EED: variants seen among roughly 807,000 people sequenced by gnomAD.
EED encodes polycomb protein EED.
EED carries 9 observed loss-of-function variants against 61.0 expected under a neutral mutation model. The observed-to-expected ratio is 0.15, with a 90% CI of 0.09 to 0.26. The LOEUF (loss-of-function observed/expected upper bound fraction) is 0.26, where lower values mean the gene tolerates loss of function less well. Ranked by LOEUF, EED falls within the 10% of genes least tolerant of loss-of-function variation. The pLI is 1.00. For synonymous variants in EED, 187 were observed against 174.4 expected (o/e 1.07, Z -0.57); for missense variants, 315 against 542.3 (o/e 0.58, Z 4.16).
rs71040225 is a variant in EED, at chr11:86,268,594, C to CGTGT, written c.966+62_966+65dup. 0.092 allele frequency: 74,922 copies of CGTGT among 814,760 alleles called. 2,511 individuals carry two copies. The highest frequency in any genetic ancestry group is 0.25 in the African/African-American group (13,231 of 53,588). The allele number at this position is 814,760 out of a possible 1,614,324, so 50.5% of individuals were successfully genotyped here. A position where few individuals can be genotyped will look rare whatever the true frequency, so the allele number is the denominator to read the frequency against. On this transcript the variant is annotated intron_variant, in intron 9 of 11. Transcript: ENST00000263360. The stretch of plus-strand genomic sequence containing the variant: ...AACTGCAGTTAAGCTGTACTTCCAT[C>CGTGT]GTGTGTGTGTGTGTGTGTGTGTGTG...
At chr11:86,280,217 G>A (rs1381620010), downstream of EED, among the ~76,000 whole-genome samples, 2 of 152,036 alleles carry the variant, frequency 1.3e-5, no homozygotes, top group African/African-American at 4.8e-5. Flanking sequence ...CACCCTCCCA[G>A]GTAGCTTGGA....
At chr11:86,271,533 T>G (rs1451494179) in intron 9 of EED, among the ~76,000 whole-genome samples, 1 of 152,230 alleles carries the variant, frequency 6.6e-6, no homozygotes, top group Non-Finnish European at 1.5e-5. Flanking sequence ...CTTTCAGTCC[T>G]GTGTTGAATA....
chr11:86,278,971 GATA>G (rs1172707098), downstream of EED, among the ~76,000 whole-genome samples: 9 of 152,116 alleles, frequency 5.9e-5, no homozygotes, highest in Non-Finnish European at 1.3e-4. Flanking sequence ...ATAAAACAGG[GATA>G]ATAATACTTG....
At chr11:86,268,623 G>GTGTGTGTGTGTC (rs1555179215) in intron 9 of EED, 62 bp downstream of exon 9, 1 of 1,049,828 alleles carries the variant, frequency 9.5e-7, no homozygotes, top group Non-Finnish European at 1.4e-6. Flanking sequence ...GTGTGTGTGT[G>GTGTGTGTGTGTC]TGTATGTGTG....
intron 5 of EED, among the ~76,000 whole-genome samples, chr11:86,257,296 A>C (rs1945703024): frequency 6.7e-6 from 1 of 149,822 alleles, no homozygotes; most frequent in South Asian, 2.1e-4. Flanking sequence ...TAGCTTTCCA[A>C]AGTGCTTGGA....
At chr11:86,258,640 C>G (rs892465789) in intron 6 of EED, among the ~76,000 whole-genome samples, 1 of 149,972 alleles carries the variant, frequency 6.7e-6, no homozygotes, top group East Asian at 2.0e-4. Flanking sequence ...ACTGCAACCT[C>G]TGCCTCCCGG....
At chr11:86,252,041 AAAT>A (rs1257867430) in intron 2 of EED, 104 bp from the exon 3 acceptor site, 13 of 710,096 alleles carry the variant, frequency 1.8e-5, no homozygotes, top group Non-Finnish European at 2.9e-5. Flanking sequence ...ATGATACACA[AAAT>A]AATGTATTGC....
rs181015935 is a variant in EED at position 86,245,918 on chromosome 11, C to A, written c.114+575C>A. Among the ~76,000 whole-genome samples the A allele has an allele frequency of 1.2e-3, 189 of 151,824 alleles. 1 individual carries two copies. The highest frequency in any genetic ancestry group is 4.4e-3 in the African/African-American group (181 of 41,368). Reference sequence around the variant, plus strand: ...GTAGGAGGAGCCGAATTGAGAGGATCGATTTTTGATTTGGGGGTGGGGAGT... The same window carrying A: ...GTAGGAGGAGCCGAATTGAGAGGATAGATTTTTGATTTGGGGGTGGGGAGT... On this transcript the variant is annotated intron_variant, in intron 1 of 11. Transcript: ENST00000263360.
downstream of EED, among the ~76,000 whole-genome samples, chr11:86,280,840 T>C (rs1289777126): frequency 6.6e-6 from 1 of 152,260 alleles, no homozygotes; most frequent in African/African-American, 2.4e-5. Context: ...GGAACATTCA[T>C]TCCTTCTATA....
chr11:86,246,038 G>T (rs1380628085), intron 1 of EED, among the ~76,000 whole-genome samples: 1 of 152,208 alleles, frequency 6.6e-6, no homozygotes, highest in Non-Finnish European at 1.5e-5. Context: ...AAGATTTTGG[G>T]CAACAGTGGT....
chr11:86,277,875 G>C, intron 10 of EED, 43 bp from the exon 11 acceptor site: 1 of 1,494,684 alleles, frequency 6.7e-7, no homozygotes, highest in Non-Finnish European at 8.8e-7. Flanking sequence ...TTAGAACCTG[G>C]TAATTTTATT....
chr11:86,265,915 A>G, intron 7 of EED, 168 bp from the exon 8 acceptor site: 4 of 476,960 alleles, frequency 8.4e-6, no homozygotes, highest in Non-Finnish European at 3.6e-6. Context: ...AAAGCTGTAA[A>G]TCTTGAAAGT....
chr11:86,263,744 A>G (rs1250353783), intron 6 of EED, among the ~76,000 whole-genome samples: 1 of 152,196 alleles, frequency 6.6e-6, no homozygotes, highest in Non-Finnish European at 1.5e-5. Flanking sequence ...AAGTCCAAGA[A>G]CATGGTGCCG....
the EED span, chr11:86,284,076 CTCTA>C: frequency 6.6e-6 from 1 of 152,240 alleles, no homozygotes; most frequent in African/African-American, 2.4e-5. Context: ...GAACTTCACC[CTCTA>C]TCGGGTCCTG....
chr11:86,255,162 T>A, intron 3 of EED, 60 bp from the exon 4 acceptor site: 1 of 1,320,116 alleles, frequency 7.6e-7, no homozygotes, highest in African/African-American at 1.5e-5. Context: ...TGTTTAAAAG[T>A]TGGAGAGAGT....
At chr11:86,266,544 T>G (rs1945985042) in intron 8 of EED, among the ~76,000 whole-genome samples, 1 of 152,116 alleles carries the variant, frequency 6.6e-6, no homozygotes, top group Non-Finnish European at 1.5e-5. Context: ...TATTATGGAC[T>G]AGGGAGAGTA....
At position 86,253,972 on chromosome 11, in the gene EED, C is replaced by A. The variant is rs548042144; in HGVS notation, c.361-1250C>A. Among the ~76,000 whole-genome samples, 36 of 136,760 alleles carry A rather than the reference C, an allele frequency of 2.6e-4. No individual in the cohort carries two copies. In the South Asian group the frequency reaches 8.5e-3, roughly 32 times the overall value. The allele number at this position is 136,760 out of a possible 152,430, so 89.7% of individuals were successfully genotyped here. On this transcript the variant is annotated intron_variant, in intron 3 of 11. Coordinates refer to ENST00000263360, the MANE Select transcript of EED (RefSeq NM_003797.5). ...CTGAGGCAGGAGGATCACTGGAATC[C>A]GGGAGGCAGAGGTTGCAGTGAGCCA...
chr11:86,257,721 T>C, intron 6 of EED, 125 bp downstream of exon 6: 1 of 672,984 alleles, frequency 1.5e-6, no homozygotes, highest in Non-Finnish European at 2.3e-6. Context: ...CTTGTATGTC[T>C]GATAATAAAA....
downstream of EED, among the ~76,000 whole-genome samples, chr11:86,281,129 G>A (rs895585412): frequency 5.9e-5 from 9 of 152,294 alleles, no homozygotes; most frequent in Middle Eastern, 3.4e-3. Context: ...TTCTGCTAGT[G>A]TCCTTGGTCT....
Sources: allele counts gnomAD v4.1 joint callset (sites outside exome capture counted in the v4.1 genomes callset), GRCh38; gene constraint gnomAD v4.1.1; transcripts MANE v1.5; gene names NCBI Gene and HGNC (gene_info 2026-07-23, HGNC 2026-07-21).